Variants in KANK1 observed in about 807,000 individuals in gnomAD.
KANK1 encodes KN motif and ankyrin repeat domains 1.
KANK1 carries 109 observed loss-of-function variants against 106.2 expected under a neutral mutation model. That is an observed-to-expected ratio of 1.03 (90% CI 0.88 to 1.20). KANK1 has a LOEUF of 1.20. Ranked by LOEUF, KANK1 falls within the 50% of genes most tolerant of loss-of-function variation. KANK1 has a pLI of 0.00. For missense variants in KANK1, 2,399 were observed against 1,710.7 expected, an observed-to-expected ratio of 1.40 and a Z score of -7.10; for synonymous variants, 873 against 652.2, an observed-to-expected ratio of 1.34 and a Z score of -5.16.
intron 1 of KANK1, among the ~76,000 whole-genome samples, chr9:516,908 G>T (rs2059302374): frequency 6.6e-6 from 1 of 150,964 alleles, no homozygotes; most frequent in African/African-American, 2.5e-5. Flanking sequence ...TGAACACTTG[G>T]GTTACGAAGA....
chr9:676,662 A>G (rs1339394272), intron 1 of KANK1, among the ~76,000 whole-genome samples: 2 of 152,134 alleles, frequency 1.3e-5, no homozygotes, highest in African/African-American at 4.8e-5. Context: ...TTTCCCATAG[A>G]TTATTATGTG....
At chr9:515,658 G>A (rs748041426) in intron 1 of KANK1, among the ~76,000 whole-genome samples, 1 of 150,782 alleles carries the variant, frequency 6.6e-6, no homozygotes, top group African/African-American at 2.4e-5. Context: ...CATTTTTATA[G>A]GAGAATTTGA....
chr9:673,168 C>T (rs1370578999), intron 1 of KANK1, among the ~76,000 whole-genome samples: 1 of 150,570 alleles, frequency 6.6e-6, no homozygotes, highest in African/African-American at 2.4e-5. Context: ...TGCACAGACA[C>T]TGCCAGGATT....
Position 745,676 on chromosome 9 carries a change from A to T in KANK1, c.*441A>T, listed in dbSNP as rs1255659340. The stretch of plus-strand genomic sequence containing the variant: ...TAGTTTTGGATTTTTCTTTTGTCTT[A>T]TTTTAAAATAAGGAAGTCGAGATGA... On this transcript the variant is annotated 3_prime_UTR_variant, in exon 12 of 12. Coordinates refer to ENST00000382297, the MANE Select transcript of KANK1 (RefSeq NM_015158.5). The T allele has an allele frequency of 6.6e-6, 1 of 152,572 alleles. No individual in the cohort carries two copies. Among genetic ancestry groups the T allele is most frequent in the African/African-American group, 2.4e-5 (1 of 41,482 alleles). 9.5% of individuals were successfully genotyped at this position (152,572 alleles called of 1,614,324 possible).
chr9:483,100 T>C (rs1587211077), intron 3 of KANK1, among the ~76,000 whole-genome samples: 1 of 152,326 alleles, frequency 6.6e-6, no homozygotes, highest in African/African-American at 2.4e-5. Flanking sequence ...GAATATTGTT[T>C]TATTATATTA....
rs561830696 is a variant in KANK1 at position 577,593 on chromosome 9, G to A, written c.-84+72839G>A. 1.0e-3 allele frequency among the ~76,000 whole-genome samples: 152 copies of A among 152,288 alleles called. 2 individuals are homozygous for A. The highest frequency in any genetic ancestry group is 3.5e-3 in the African/African-American group (144 of 41,554). ...CTCAGTATCATCTCCCAGATAGCTT[G>A]TGCCCACCCTTCAGACTTCTTTGTT... On this transcript the variant is annotated intron_variant, in intron 1 of 11. Transcript: ENST00000382297.
At chr9:697,615 G>A (rs1821634343) in intron 2 of KANK1, among the ~76,000 whole-genome samples, 1 of 151,932 alleles carries the variant, frequency 6.6e-6, no homozygotes, top group Non-Finnish European at 1.5e-5. Flanking sequence ...TCTAATAATT[G>A]GTCCATGGTG....
At chr9:523,313 C>T (rs1273349890) in intron 1 of KANK1, among the ~76,000 whole-genome samples, 4 of 151,642 alleles carry the variant, frequency 2.6e-5, no homozygotes, top group African/African-American at 9.8e-5. Context: ...CTCATACACC[C>T]TACCTTTAAT....
intron 1 of KANK1, among the ~76,000 whole-genome samples, chr9:650,485 T>C (rs1588575820): frequency 6.6e-6 from 1 of 152,184 alleles, no homozygotes; most frequent in Admixed American, 6.5e-5. Context: ...GATGGGGGCC[T>C]AAGATTCTGC....
chr9:727,862 T>C (rs1222020347), intron 3 of KANK1, among the ~76,000 whole-genome samples: 2 of 152,116 alleles, frequency 1.3e-5, no homozygotes, highest in Non-Finnish European at 2.9e-5. Context: ...AAACCAAAAA[T>C]AAAATTCTAA....
chr9:677,862 T>G (rs1266730276), intron 2 of KANK1, among the ~76,000 whole-genome samples: 3 of 152,180 alleles, frequency 2.0e-5, no homozygotes, highest in African/African-American at 7.2e-5. Flanking sequence ...TGAGTCCTAG[T>G]TCCAGCACTA....
intron 1 of KANK1, among the ~76,000 whole-genome samples, chr9:652,013 A>G (rs1338936876): frequency 1.3e-5 from 2 of 152,210 alleles, no homozygotes; most frequent in Non-Finnish European, 2.9e-5. Flanking sequence ...TAGTTTCATT[A>G]GCCCTGCTAT....
intron 4 of KANK1, chr9:730,859 C>G (rs969120344): frequency 9.0e-6 from 2 of 222,638 alleles, no homozygotes; most frequent in African/African-American, 2.3e-5. Flanking sequence ...CCTTGAGGCT[C>G]GTGAGACACG....
intron 1 of KANK1, among the ~76,000 whole-genome samples, chr9:651,796 C>G (rs909384303): frequency 1.3e-5 from 2 of 152,170 alleles, no homozygotes; most frequent in Non-Finnish European, 2.9e-5. Flanking sequence ...TACAAATTTA[C>G]CAACATAGAT....
At chr9:710,010 A>G (rs1387958827) in intron 2 of KANK1, among the ~76,000 whole-genome samples, 2 of 152,222 alleles carry the variant, frequency 1.3e-5, no homozygotes, top group South Asian at 2.1e-4. Context: ...ACTGATGGAC[A>G]TAAAGATGGA....
chr9:646,736 C>G (rs1251833338), intron 1 of KANK1, among the ~76,000 whole-genome samples: 1 of 149,350 alleles, frequency 6.7e-6, no homozygotes, highest in Non-Finnish European at 1.5e-5. Flanking sequence ...GTCACCCAGG[C>G]TGGAGTGCAG....
chr9:622,246 G>A (rs1027861500), intron 1 of KANK1, among the ~76,000 whole-genome samples: 1 of 152,156 alleles, frequency 6.6e-6, no homozygotes, highest in Non-Finnish European at 1.5e-5. Flanking sequence ...GGAGCACAAA[G>A]AAGTTAATAA....
chr9:589,543 A>C (rs1335340666), intron 1 of KANK1, among the ~76,000 whole-genome samples: 1 of 152,058 alleles, frequency 6.6e-6, no homozygotes, highest in Non-Finnish European at 1.5e-5. Context: ...GTCATAAAGA[A>C]AGGGAAAAAC....
At chr9:492,500 T>C (rs2058394392) in intron 3 of KANK1, among the ~76,000 whole-genome samples, 1 of 152,170 alleles carries the variant, frequency 6.6e-6, no homozygotes, top group South Asian at 2.1e-4. Flanking sequence ...AAATGCATCC[T>C]TTAGAGCTGT....
Sources: allele counts gnomAD v4.1 joint callset (sites outside exome capture counted in the v4.1 genomes callset), GRCh38; gene constraint gnomAD v4.1.1; transcripts MANE v1.5; gene names NCBI Gene and HGNC (gene_info 2026-07-23, HGNC 2026-07-21).